Variants in LPL observed in about 807,000 individuals in gnomAD.
LPL encodes lipoprotein lipase, also known as phospholipase A1.
Under a neutral mutation model 52.2 loss-of-function variants are expected in LPL, and 43 were observed. That is an observed-to-expected ratio of 0.82 (90% CI 0.64 to 1.06). LPL has a LOEUF of 1.06. Ranked by LOEUF, LPL falls within the 50% of genes least tolerant of loss-of-function variation. The pLI, the probability that LPL is intolerant of heterozygous loss-of-function variation, is 0.00. For missense variants in LPL, 639 were observed against 585.3 expected (o/e 1.09, Z -0.95); for synonymous variants, 244 against 215.6 (o/e 1.13, Z -1.15).
In LPL at chr8:19,939,559, T is replaced by G. The variant is rs1253909803; in HGVS notation, c.88+31T>G. On this transcript the variant is annotated intron_variant, in intron 1 of 9. Transcript: ENST00000650287. This position sits in a 1 kb window ranked among gnomAD's most constrained non-coding sequence, Gnocchi z 4.0. ...TTTTGCGCGCAAACTCCCCTCCACC[T>G]GCAGACCCGGCGGGTGGCCACTGCC... 1.3e-6 allele frequency: 2 copies of G among 1,588,010 alleles called. No homozygotes were observed. The highest frequency in any genetic ancestry group is 1.1e-5 in the South Asian group (1 of 88,472).
intron 1 of LPL, among the ~76,000 whole-genome samples, chr8:19,941,713 C>T (rs2069842079): frequency 6.6e-6 from 1 of 152,186 alleles, no homozygotes; most frequent in South Asian, 2.1e-4. Context: ...CCTCTTTCTC[C>T]TCCAGATGCA....
Position 19,956,068 on chromosome 8 carries a change from C to G in LPL, c.1003C>G (p.Gln335Glu). The change falls in exon 6 of 10, where the codon CAG (glutamine) becomes GAG (glutamate). Residue 335 changes from glutamine (Q) to glutamate (E), a missense_variant. Coordinates refer to ENST00000650287, the MANE Select transcript of LPL (RefSeq NM_000237.3). ...SSKMYLKTRSQMPYKVFHYQV... is the reference protein window; with the variant it reads ...SSKMYLKTRSEMPYKVFHYQV... ...CAAAATGTACCTGAAGACTCGTTCT[C>G]AGATGCCCTACAAAGGTAGGCTGGA... is the stretch of plus-strand genomic sequence containing the variant. 2 of 1,614,180 alleles carry G rather than the reference C, an allele frequency of 1.2e-6. No individual in the cohort carries two copies. The highest frequency in any genetic ancestry group is 1.7e-6 in the Non-Finnish European group (2 of 1,180,036).
intron 9 of LPL, 23 bp downstream of exon 9, chr8:19,962,242 G>A (rs2070046383): frequency 7.6e-6 from 12 of 1,585,958 alleles, no homozygotes; most frequent in Non-Finnish European, 1.0e-5. Context: ...GGCTAAAGCT[G>A]ACTGGGCATC....
intron 1 of LPL, among the ~76,000 whole-genome samples, chr8:19,947,269 C>T (rs544650180): frequency 6.6e-6 from 1 of 152,056 alleles, no homozygotes; most frequent in Non-Finnish European, 1.5e-5. Flanking sequence ...CTTTAGGAGG[C>T]TGAGGTGGGC....
chr8:19,964,592 T>C (rs886173614), intron 9 of LPL, among the ~76,000 whole-genome samples: 1 of 152,168 alleles, frequency 6.6e-6, no homozygotes, highest in Non-Finnish European at 1.5e-5. Context: ...TGTGGTGGCG[T>C]GATCTCGGCT....
chr8:19,954,233 C>G lies in LPL; in HGVS notation c.655C>G (p.Arg219Gly). 4 of 1,614,086 alleles carry G rather than the reference C, an allele frequency of 2.5e-6. No homozygotes were observed. The highest frequency in any genetic ancestry group is 3.4e-6 in the Non-Finnish European group (4 of 1,180,012). Residue 219 changes from arginine to glycine, a missense_variant, in exon 5 of 10, where the codon CGA becomes GGA. By Grantham distance (125) the Arg-to-Gly change is moderately radical (BLOSUM62 -2). Coordinates refer to ENST00000650287, the MANE Select transcript of LPL (RefSeq NM_000237.3). ...CACATTCACCAGAGGGTCCCCTGGT[C>G]GAAGCATTGGAATCCAGAAACCAGT... The part of the protein sequence containing the change: ...LHTFTRGSPG[R>G]SIGIQKPVGH...
chr8:19,962,050 G>C, intron 8 of LPL, 65 bp from the exon 9 acceptor site: 1 of 1,070,278 alleles, frequency 9.3e-7, no homozygotes, highest in Non-Finnish European at 1.5e-6. Context: ...TGACAGAACT[G>C]TACCTTTGTG....
intron 1 of LPL, among the ~76,000 whole-genome samples, chr8:19,941,498 C>T (rs890318355): frequency 6.6e-5 from 10 of 152,184 alleles, no homozygotes; most frequent in African/African-American, 2.4e-4. Context: ...GTTCTCTGAG[C>T]CTGGTGTAAC....
rs747720251 is a variant in LPL at position 19,939,570 on chromosome 8, C to T, written c.88+42C>T. Reference sequence around the variant, plus strand: ...AACTCCCCTCCACCTGCAGACCCGGCGGGTGGCCACTGCCACCCGAACTGA... The same window carrying T: ...AACTCCCCTCCACCTGCAGACCCGGTGGGTGGCCACTGCCACCCGAACTGA... On this transcript the variant is annotated intron_variant, in intron 1 of 9. Transcript: ENST00000650287. The surrounding 1 kb of genome is among the most constrained non-coding windows in gnomAD (Gnocchi z 4.0). 8.9e-6 allele frequency: 14 copies of T among 1,569,346 alleles called. 1 individual carries two copies. The South Asian group carries it at 1.5e-4, about 17-fold the overall frequency.
chr8:19,965,496 T>TAATTCAATTTATGGGGTATAGTGGCC lies in LPL; in HGVS notation c.*189_*214dup. ...ACAGTCTCAAGCACTAAAAAGTGGC[T>TAATTCAATTTATGGGGTATAGTGGCC]AATTCAATTTATGGGGTATAGTGGC... On this transcript the variant is annotated 3_prime_UTR_variant, in exon 10 of 10. Transcript: ENST00000650287. 1.7e-6 allele frequency: 1 copy of TAATTCAATTTATGGGGTATAGTGGCC among 575,606 alleles called. No individual in the cohort carries two copies. The highest frequency in any genetic ancestry group is 3.1e-6 in the Non-Finnish European group (1 of 322,292). The allele number at this position is 575,606 out of a possible 1,614,324, so 35.7% of individuals were successfully genotyped here.
At chr8:19,957,695 TG>T (rs1290634668) in intron 6 of LPL, among the ~76,000 whole-genome samples, 1 of 152,208 alleles carries the variant, frequency 6.6e-6, no homozygotes, top group Non-Finnish European at 1.5e-5. Flanking sequence ...GGGGTTTTGT[TG>T]TTGTTCTTCT....
chr8:19,942,082 T>G (rs1016656430), intron 1 of LPL, among the ~76,000 whole-genome samples: 2 of 152,160 alleles, frequency 1.3e-5, no homozygotes, highest in Non-Finnish European at 1.5e-5. Flanking sequence ...AGGGAGTGAT[T>G]GATTAATAGC....
In LPL at chr8:19,939,824, C is replaced by A. The variant is rs2069815274; in HGVS notation, c.88+296C>A. ...CGCGTTCCCGGGCTCGCAGGCTCCG[C>A]CGGGGAGGTTCCGGGGTGTGGGGGC... On this transcript the variant is annotated intron_variant, in intron 1 of 9. Transcript: ENST00000650287. The surrounding 1 kb of genome is among the most constrained non-coding windows in gnomAD (Gnocchi z 4.0). Among the ~76,000 whole-genome samples the A allele has an allele frequency of 6.6e-6, 1 of 152,300 alleles. No individual in the cohort carries two copies. Among genetic ancestry groups the A allele is most frequent in the South Asian group, 2.1e-4 (1 of 4,830 alleles).
chr8:19,958,033 T>TTTAC (rs1243208089), intron 6 of LPL, among the ~76,000 whole-genome samples: 63 of 150,614 alleles, frequency 4.2e-4, no homozygotes, highest in African/African-American at 1.3e-3. Flanking sequence ...TATTTATTTA[T>TTTAC]TTTTGAGACA....
At chr8:19,959,216 T>C in intron 6 of LPL, 44 bp from the exon 7 acceptor site, 2 of 1,613,684 alleles carry the variant, frequency 1.2e-6, no homozygotes, top group Non-Finnish European at 1.7e-6. Flanking sequence ...GTTGTGATAT[T>C]TTCATAAAGA....
chr8:19,966,775 T>TAA lies in LPL; in HGVS notation c.*1467_*1468dup, dbSNP rs1448053104. On this transcript the variant is annotated 3_prime_UTR_variant, in exon 10 of 10. Transcript: ENST00000650287. ...TCTCTGAGAGAGATGATCGTGCCTA[T>TAA]AAATAGTAGGACCAATGTTGTGATT... 2 of 152,200 alleles carry TAA rather than the reference T, an allele frequency of 1.3e-5. No homozygotes were observed. Among genetic ancestry groups the TAA allele is most frequent in the African/African-American group, 4.8e-5 (2 of 41,454 alleles). 9.4% of individuals were successfully genotyped at this position (152,200 alleles called of 1,614,324 possible).
Position 19,948,563 on chromosome 8 carries a change from G to A in LPL, c.249+223G>A. On this transcript the variant is annotated intron_variant, in intron 2 of 9. Transcript: ENST00000650287. ...CTTCATTTTAACACTGTACCTGGTT[G>A]GTGCCCTTGAGCCAGAGCTTCCTGC... 5.6e-6 allele frequency: 3 copies of A among 537,526 alleles called. No homozygotes were observed. In the South Asian group the frequency reaches 8.0e-5, roughly 14 times the overall value. 33.3% of individuals were successfully genotyped at this position (537,526 alleles called of 1,614,324 possible). A position where few individuals can be genotyped will look rare whatever the true frequency, so the allele number is the denominator to read the frequency against.
chr8:19,940,661 G>C (rs1590135125), intron 1 of LPL, among the ~76,000 whole-genome samples: 1 of 152,248 alleles, frequency 6.6e-6, no homozygotes, highest in Middle Eastern at 3.2e-3. Flanking sequence ...AATTAGGGCG[G>C]TGTCGCTTGG....
chr8:19,959,876 C>T (rs1028143129), intron 7 of LPL, among the ~76,000 whole-genome samples: 1 of 143,618 alleles, frequency 7.0e-6, no homozygotes, highest in South Asian at 2.3e-4. Context: ...GCAACCTCTA[C>T]CTCCCGAGTT....
Sources: allele counts gnomAD v4.1 joint callset (sites outside exome capture counted in the v4.1 genomes callset), GRCh38; gene constraint gnomAD v4.1.1; non-coding constraint Gnocchi (gnomAD v3.1); transcripts MANE v1.5; gene names NCBI Gene and HGNC (gene_info 2026-07-23, HGNC 2026-07-21).